The following MSANTD7 variants were observed in gnomAD, a reference collection of about 807,000 sequenced individuals.
MSANTD7 encodes the protein zinc finger and SCAN domain containing 29.
At chr10:14,838,603 GGGCCGGGCAGGCCC>G in the MSANTD7 span, 1 of 765,636 alleles carries the variant, frequency 1.3e-6, no homozygotes, top group Non-Finnish European at 2.0e-6. Context: ...CCGGAGCGAA[GGGCCGGGCAGGCCC>G]GGCCTCGCGC....
chr10:14,844,483 T>C, the MSANTD7 span: 24 of 982,056 alleles, frequency 2.4e-5, no homozygotes, highest in Non-Finnish European at 2.8e-5. Context: ...TGTGGCTCAT[T>C]AGACGACTAT....
the MSANTD7 span, chr10:14,840,039 G>A: frequency 3.8e-6 from 5 of 1,303,176 alleles, no homozygotes; most frequent in Non-Finnish European, 5.3e-6. Context: ...TACATACATT[G>A]TAATATATAT....
At chr10:14,844,262 G>C in the MSANTD7 span, 2 of 1,081,070 alleles carry the variant, frequency 1.9e-6, no homozygotes, top group Non-Finnish European at 2.3e-6. Context: ...TGAGGATCAC[G>C]TAGTTCATAG....
chr10:14,838,446 T>C, the MSANTD7 span: 5 of 1,605,822 alleles, frequency 3.1e-6, no homozygotes, highest in Non-Finnish European at 4.2e-6. Context: ...TCAGCCTGTG[T>C]GGCCGTCTAT....
At chr10:14,840,161 T>C in the MSANTD7 span, 4 of 1,326,130 alleles carry the variant, frequency 3.0e-6, no homozygotes, top group Non-Finnish European at 4.1e-6. Flanking sequence ...GCAGAAGGTA[T>C]GGAATCAAAT....
At chr10:14,838,320 T>G in the MSANTD7 span, 1 of 1,382,022 alleles carries the variant, frequency 7.2e-7, no homozygotes, top group South Asian at 1.2e-5. Context: ...AGCTCCGCGG[T>G]GCCTGATGGG....
the MSANTD7 span, chr10:14,844,347 A>G: frequency 9.7e-7 from 1 of 1,033,374 alleles, no homozygotes; most frequent in Non-Finnish European, 1.2e-6. Flanking sequence ...GGCTGAGGTA[A>G]GGCAGATTGG....
chr10:14,842,991 G>A, the MSANTD7 span: 3 of 700,116 alleles, frequency 4.3e-6, no homozygotes, highest in Non-Finnish European at 7.0e-6. The surrounding 1 kb of genome is among the most constrained non-coding windows in gnomAD (Gnocchi z 5.2). Context: ...AAACCTAATA[G>A]TAAGCTAAAG....
At chr10:14,838,714 G>A in the MSANTD7 span, 1 of 477,806 alleles carries the variant, frequency 2.1e-6, no homozygotes, top group Admixed American at 4.0e-5. Flanking sequence ...TCATGGCGGC[G>A]GGATGCCCGG....
chr10:14,844,868 CT>C, the MSANTD7 span: 8 of 985,214 alleles, frequency 8.1e-6, no homozygotes, highest in African/African-American at 1.7e-5. Flanking sequence ...TGATTTCATT[CT>C]TTTCTGTTAT....
chr10:14,838,333 C>T, the MSANTD7 span: 5 of 1,471,496 alleles, frequency 3.4e-6, no homozygotes, highest in African/African-American at 1.4e-5. Flanking sequence ...CTGATGGGGC[C>T]GTTGGGCGGC....
chr10:14,844,126 C>A, the MSANTD7 span: 1 of 1,348,430 alleles, frequency 7.4e-7, no homozygotes, highest in Non-Finnish European at 9.5e-7. Context: ...GAGCCACGTT[C>A]TAGACAGCTG....
At chr10:14,839,095 T>G in the MSANTD7 span, among the ~76,000 whole-genome samples, 3 of 152,156 alleles carry the variant, frequency 2.0e-5, no homozygotes, top group Non-Finnish European at 4.4e-5. Flanking sequence ...CAGTTGATGG[T>G]GCGTGGTCTA....
chr10:14,842,540 G>A, the MSANTD7 span: 1 of 1,536,162 alleles, frequency 6.5e-7, no homozygotes, highest in Non-Finnish European at 8.7e-7. This position sits in a 1 kb window ranked among gnomAD's most constrained non-coding sequence, Gnocchi z 5.2. Context: ...AAGTATGGGT[G>A]AGCCACCACA....
the MSANTD7 span, chr10:14,838,485 G>A: frequency 2.7e-5 from 43 of 1,581,384 alleles, no homozygotes; most frequent in Non-Finnish European, 3.4e-5. Flanking sequence ...GCTGGGCTAG[G>A]GCTTCATGAC....
the MSANTD7 span, chr10:14,840,165 A>G: frequency 2.3e-6 from 3 of 1,305,742 alleles, no homozygotes; most frequent in Non-Finnish European, 3.1e-6. Flanking sequence ...AAGGTATGGA[A>G]TCAAATGATA....
At chr10:14,839,184 A>T in the MSANTD7 span, among the ~76,000 whole-genome samples, 1 of 152,358 alleles carries the variant, frequency 6.6e-6, no homozygotes, top group African/African-American at 2.4e-5. Context: ...AGAAGAAACG[A>T]TAATCATGAA....
chr10:14,845,117 T>G, the MSANTD7 span: 1 of 985,352 alleles, frequency 1.0e-6, no homozygotes, highest in Non-Finnish European at 1.2e-6. Flanking sequence ...ATGAGCCTCC[T>G]CCACACCCCA....
chr10:14,842,600 A>AT, the MSANTD7 span: 1 of 1,536,164 alleles, frequency 6.5e-7, no homozygotes, highest in Non-Finnish European at 8.7e-7. The surrounding 1 kb of genome is among the most constrained non-coding windows in gnomAD (Gnocchi z 5.2). Context: ...TCAGATAGTG[A>AT]CTGACCCAGA....
Sources: allele counts gnomAD v4.1 joint callset (sites outside exome capture counted in the v4.1 genomes callset), GRCh38; gene constraint gnomAD v4.1.1; non-coding constraint Gnocchi (gnomAD v3.1); transcripts MANE v1.5; gene names NCBI Gene and HGNC (gene_info 2026-07-23, HGNC 2026-07-21).